OPCML: variants seen among roughly 807,000 people sequenced by gnomAD.
OPCML encodes the protein opioid binding protein/cell adhesion molecule like, also known as opioid-binding protein/cell adhesion molecule.
In OPCML, 13 loss-of-function variants were observed where a neutral mutation model predicts 37.8. The observed-to-expected ratio is 0.34, with a 90% CI of 0.22 to 0.55. The LOEUF (loss-of-function observed/expected upper bound fraction) is 0.55. Ranked by LOEUF, OPCML falls within the 20% of genes least tolerant of loss-of-function variation. The pLI, the probability that OPCML is intolerant of heterozygous loss-of-function variation, is 0.91. For synonymous variants in OPCML, 176 were observed against 168.8 expected (o/e 1.04, Z -0.33); for missense variants, 341 against 435.6 (o/e 0.78, Z 1.93).
In OPCML at chr11:133,458,557, G is replaced by A. The variant is rs562613637; in HGVS notation, c.61+73707C>T. On this transcript the variant is annotated intron_variant, in intron 1 of 7. Coordinates refer to ENST00000524381, the MANE Select transcript of OPCML (RefSeq NM_001012393.5). The stretch of plus-strand genomic sequence containing the variant: ...TATACACATATATACACGTGTGTGT[G>A]TATACACATATATACACGTGTGTGT... Among the ~76,000 whole-genome samples, 65 of 99,730 alleles carry A rather than the reference G, an allele frequency of 6.5e-4. 4 individuals carry two copies. The highest frequency in any genetic ancestry group is 9.1e-4 in the Non-Finnish European group (54 of 59,106). The allele number at this position is 99,730 out of a possible 152,430, so 65.4% of individuals were successfully genotyped here.
At chr11:132,832,823 C>A (rs1051084245) in intron 2 of OPCML, among the ~76,000 whole-genome samples, 1 of 152,112 alleles carries the variant, frequency 6.6e-6, no homozygotes. Flanking sequence ...CTGTACGGCA[C>A]GTAACTGAAT....
chr11:132,687,237 T>A (rs910214623), intron 2 of OPCML, among the ~76,000 whole-genome samples: 2 of 151,442 alleles, frequency 1.3e-5, no homozygotes, highest in East Asian at 1.9e-4. Flanking sequence ...TTTATCCTAT[T>A]AAGGTCAGTT....
intron 1 of OPCML, among the ~76,000 whole-genome samples, chr11:132,987,608 C>G (rs1430794119): frequency 1.3e-5 from 2 of 152,134 alleles, no homozygotes; most frequent in Non-Finnish European, 2.9e-5. Flanking sequence ...ACTACTCTAA[C>G]CACAGTTGGA....
chr11:133,528,564 A>C (rs1230880385), intron 1 of OPCML, among the ~76,000 whole-genome samples: 4 of 152,230 alleles, frequency 2.6e-5, no homozygotes, highest in Admixed American at 6.5e-5. Context: ...GCCTTACCCC[A>C]AAGCCAAACA....
At chr11:132,782,917 G>GTGTATA (rs376141259) in intron 2 of OPCML, among the ~76,000 whole-genome samples, 1,954 of 125,024 alleles carry the variant, frequency 0.016, 49 homozygotes, top group African/African-American at 0.052. Context: ...TATAGTGTGT[G>GTGTATA]TATATATATA....
chr11:132,920,051 A>G (rs575876627), intron 2 of OPCML, among the ~76,000 whole-genome samples: 1 of 152,302 alleles, frequency 6.6e-6, no homozygotes, highest in East Asian at 1.9e-4. Context: ...GGATGAAAAT[A>G]TACTGGAATT....
At chr11:132,923,187 T>C (rs1165356859) in intron 2 of OPCML, among the ~76,000 whole-genome samples, 1 of 152,128 alleles carries the variant, frequency 6.6e-6, no homozygotes, top group Non-Finnish European at 1.5e-5. Flanking sequence ...AGAGAACTAG[T>C]TCATTCCCCC....
chr11:133,252,006 G>T (rs112947554), intron 1 of OPCML, among the ~76,000 whole-genome samples: 1 of 152,158 alleles, frequency 6.6e-6, no homozygotes, highest in South Asian at 2.1e-4. Context: ...CCCCAGAGTC[G>T]ACAGGGGAGT....
chr11:133,274,839 G>C (rs1037818718), intron 1 of OPCML, among the ~76,000 whole-genome samples: 1 of 152,188 alleles, frequency 6.6e-6, no homozygotes, highest in Admixed American at 6.5e-5. Flanking sequence ...AAATGCTGTA[G>C]AAGACAAAGA....
chr11:133,300,985 C>T (rs1675605661), intron 1 of OPCML: 1 of 152,168 alleles, frequency 6.6e-6, no homozygotes, highest in Non-Finnish European at 1.5e-5. Flanking sequence ...TTTTGGACTT[C>T]TGGCCTCTGG....
chr11:133,497,699 G>GA (rs1947814818), intron 1 of OPCML, among the ~76,000 whole-genome samples: 2 of 152,134 alleles, frequency 1.3e-5, no homozygotes, highest in African/African-American at 4.8e-5. Flanking sequence ...TGTCAAGCAG[G>GA]AAAGGAAAAG....
chr11:133,211,141 G>A lies in OPCML; in HGVS notation c.62-268131C>T, dbSNP rs956569668. Among the ~76,000 whole-genome samples, 1 of 152,146 alleles carries A rather than the reference G, an allele frequency of 6.6e-6. No individual in the cohort carries two copies. The highest frequency in any genetic ancestry group is 1.5e-5 in the Non-Finnish European group (1 of 68,046). ...CTTTCTAATCATTCGTGATTGATGA[G>A]CCTGCCAGAAGGAATCAAATATTTC... On this transcript the variant is annotated intron_variant, in intron 1 of 7. Coordinates refer to ENST00000524381, the MANE Select transcript of OPCML (RefSeq NM_001012393.5). The surrounding 1 kb of genome is among the most constrained non-coding windows in gnomAD (Gnocchi z 4.1).
At chr11:132,469,296 G>A (rs1268252677) in intron 4 of OPCML, among the ~76,000 whole-genome samples, 1 of 152,172 alleles carries the variant, frequency 6.6e-6, no homozygotes, top group East Asian at 1.9e-4. Context: ...GAATAACTGG[G>A]TGCGACATGG....
intron 1 of OPCML, among the ~76,000 whole-genome samples, chr11:133,053,976 A>G (rs1476187789): frequency 6.6e-6 from 1 of 152,156 alleles, no homozygotes; most frequent in Non-Finnish European, 1.5e-5. Context: ...GCTCCCTTTC[A>G]TGGGGTCTCA....
intron 1 of OPCML, among the ~76,000 whole-genome samples, chr11:133,344,057 C>T (rs1046693742): frequency 6.6e-5 from 10 of 152,192 alleles, no homozygotes; most frequent in Admixed American, 2.0e-4. Context: ...TGACAAGGTG[C>T]GCTGCAGACT....
intron 1 of OPCML, among the ~76,000 whole-genome samples, chr11:133,468,897 A>AAAAC (rs138059937): frequency 3.3e-5 from 5 of 151,832 alleles, no homozygotes; most frequent in African/African-American, 1.2e-4. Flanking sequence ...TTATGGAAAA[A>AAAAC]AACAATTATT....
chr11:133,073,817 TTA>T (rs1471587866), intron 1 of OPCML, among the ~76,000 whole-genome samples: 2 of 152,172 alleles, frequency 1.3e-5, no homozygotes, highest in Non-Finnish European at 2.9e-5. Context: ...GCTATGTACT[TTA>T]TATATGTTAG....
rs1007904570 is a variant in OPCML, at chr11:133,211,884, A to T, written c.62-268874T>A. 2.6e-5 allele frequency among the ~76,000 whole-genome samples: 4 copies of T among 152,234 alleles called. No individual in the cohort carries two copies. The highest frequency in any genetic ancestry group is 9.6e-5 in the African/African-American group (4 of 41,462). Reference sequence around the variant, plus strand: ...TCAAGATAGGGAGTTAAAGAATGCAAAGTTGAAGCCAAGACTGTCTGCTTC... The same window carrying T: ...TCAAGATAGGGAGTTAAAGAATGCATAGTTGAAGCCAAGACTGTCTGCTTC... On this transcript the variant is annotated intron_variant, in intron 1 of 7. Transcript: ENST00000524381. The surrounding 1 kb of genome is among the most constrained non-coding windows in gnomAD (Gnocchi z 4.1).
chr11:132,866,442 T>G (rs1197331014), intron 2 of OPCML, among the ~76,000 whole-genome samples: 1 of 152,242 alleles, frequency 6.6e-6, no homozygotes. Flanking sequence ...TGAAGCACTG[T>G]ACCAAGAAAA....
Sources: allele counts gnomAD v4.1 joint callset (sites outside exome capture counted in the v4.1 genomes callset), GRCh38; gene constraint gnomAD v4.1.1; non-coding constraint Gnocchi (gnomAD v3.1); transcripts MANE v1.5; gene names NCBI Gene and HGNC (gene_info 2026-07-23, HGNC 2026-07-21).